The following LRP1B variants were observed in gnomAD, a reference collection of about 807,000 sequenced individuals.
The protein encoded by LRP1B is low-density lipoprotein receptor-related protein 1B.
Under a neutral mutation model 556.6 loss-of-function variants are expected in LRP1B, and 217 were observed. The observed-to-expected ratio is 0.39, with a 90% CI of 0.35 to 0.44. The LOEUF is 0.44. Ranked by LOEUF, LRP1B falls within the 20% of genes least tolerant of loss-of-function variation. The pLI is 1.00. For missense variants in LRP1B, 5,053 were observed against 5,620.8 expected (o/e 0.90, Z 3.23); for synonymous variants, 2,047 against 1,865.8 (o/e 1.10, Z -2.50).
chr2:140,342,484 C>T (rs1212125773), intron 77 of LRP1B, among the ~76,000 whole-genome samples: 1 of 151,350 alleles, frequency 6.6e-6, no homozygotes, highest in Non-Finnish European at 1.5e-5. Context: ...TGTGTTTATT[C>T]TTATAATATT....
chr2:141,077,117 G>A (rs997819063), intron 7 of LRP1B, among the ~76,000 whole-genome samples: 5 of 152,068 alleles, frequency 3.3e-5, no homozygotes, highest in Admixed American at 2.6e-4. Context: ...GCGTGGCAGC[G>A]TGTGCCTCTA....
intron 3 of LRP1B, among the ~76,000 whole-genome samples, chr2:141,469,314 G>T (rs1056818441): frequency 1.3e-5 from 2 of 152,136 alleles, no homozygotes; most frequent in African/African-American, 4.8e-5. Context: ...CAGTCTCATA[G>T]CTGTTTCATT....
chr2:140,705,384 C>A (rs1319493598), intron 37 of LRP1B, among the ~76,000 whole-genome samples: 2 of 151,344 alleles, frequency 1.3e-5, no homozygotes, highest in Admixed American at 6.6e-5. Context: ...ATTAGCCTAG[C>A]ATGGTGGCAT....
intron 2 of LRP1B, among the ~76,000 whole-genome samples, chr2:141,701,675 T>C (rs2105463160): frequency 6.6e-6 from 1 of 151,960 alleles, no homozygotes. Context: ...TAATAAATGA[T>C]ATTAATTTTA....
intron 2 of LRP1B, among the ~76,000 whole-genome samples, chr2:141,669,678 GT>G (rs1690586321): frequency 7.2e-6 from 1 of 138,350 alleles, no homozygotes; most frequent in Non-Finnish European, 1.5e-5. Context: ...GCTATTTCAA[GT>G]TTGCTACTTC....
chr2:140,556,914 G>A (rs1680754636), intron 43 of LRP1B, among the ~76,000 whole-genome samples: 3 of 151,908 alleles, frequency 2.0e-5, no homozygotes, highest in South Asian at 4.1e-4. Context: ...GTAATGGTGG[G>A]AAAGTAAGTT....
chr2:141,400,482 G>C (rs1690410313), intron 3 of LRP1B, among the ~76,000 whole-genome samples: 1 of 152,072 alleles, frequency 6.6e-6, no homozygotes, highest in Non-Finnish European at 1.5e-5. Context: ...GCTGTCCAAG[G>C]AATTATAGTA....
At chr2:141,037,803 G>C (rs577989418) in intron 11 of LRP1B, among the ~76,000 whole-genome samples, 1 of 151,972 alleles carries the variant, frequency 6.6e-6, no homozygotes, top group African/African-American at 2.4e-5. Context: ...CAAAGGAAAT[G>C]AAATTAGAAA....
intron 35 of LRP1B, among the ~76,000 whole-genome samples, chr2:140,739,620 G>A (rs759291736): frequency 1.3e-5 from 2 of 152,036 alleles, no homozygotes; most frequent in Non-Finnish European, 2.9e-5. Flanking sequence ...ACAATAGAAC[G>A]GATGTTTTAA....
At chr2:141,613,513 G>A (rs1688183836) in intron 2 of LRP1B, among the ~76,000 whole-genome samples, 2 of 152,050 alleles carry the variant, frequency 1.3e-5, no homozygotes, top group Admixed American at 1.3e-4. Flanking sequence ...TGATAATTCT[G>A]GACTCCACTC....
intron 3 of LRP1B, among the ~76,000 whole-genome samples, chr2:141,336,191 C>T (rs185248652): frequency 1.0e-3 from 151 of 150,744 alleles, no homozygotes; most frequent in African/African-American, 3.6e-3. Context: ...GGTAGGGTGA[C>T]TCTGCAGTCA....
intron 7 of LRP1B, among the ~76,000 whole-genome samples, chr2:141,179,007 G>T (rs1434779002): frequency 2.0e-5 from 3 of 151,956 alleles, no homozygotes; most frequent in Non-Finnish European, 4.4e-5. Context: ...GTTATAAGAA[G>T]ATTGTTCTAT....
In LRP1B at chr2:140,382,373, T is replaced by A. The variant is rs574191866; in HGVS notation, c.10531+3520A>T. 5.3e-5 allele frequency among the ~76,000 whole-genome samples: 8 copies of A among 152,304 alleles called. No homozygotes were observed. The South Asian group carries it at 1.7e-3, about 32-fold the overall frequency. ...TAAGGCTATAAAGTAATTTATTTCATAAATCAGTAACTTAGATGGCATATA... is the reference window on the plus strand; with the variant it reads ...TAAGGCTATAAAGTAATTTATTTCAAAAATCAGTAACTTAGATGGCATATA... On this transcript the variant is annotated intron_variant, in intron 67 of 90. Transcript: ENST00000389484.
rs145112073 is a variant in LRP1B at position 141,923,082 on chromosome 2, G to C, written c.83-112681C>G. Reference sequence around the variant, plus strand: ...CCACTGCACTCCAGCCTGGGTGACAGAGTGAGACACTGTCTCAAAAATAAA... The same window carrying C: ...CCACTGCACTCCAGCCTGGGTGACACAGTGAGACACTGTCTCAAAAATAAA... On this transcript the variant is annotated intron_variant, in intron 1 of 90. Transcript: ENST00000389484. 3.1e-3 allele frequency among the ~76,000 whole-genome samples: 466 copies of C among 152,160 alleles called. 2 individuals carry two copies. The highest frequency in any genetic ancestry group is 0.011 in the African/African-American group (448 of 41,518).
intron 3 of LRP1B, among the ~76,000 whole-genome samples, chr2:141,262,073 T>G (rs571095399): frequency 8.7e-4 from 132 of 152,320 alleles, no homozygotes; most frequent in Non-Finnish European, 1.7e-3. Context: ...TTTAATTTTA[T>G]TTTTTAGTCA....
intron 11 of LRP1B, among the ~76,000 whole-genome samples, chr2:141,035,124 A>G (rs1698493051): frequency 1.3e-5 from 2 of 150,780 alleles, no homozygotes; most frequent in Admixed American, 6.6e-5. Flanking sequence ...CAAACACCGC[A>G]TGTTCTCACT....
chr2:140,702,266 A>T lies in LRP1B; in HGVS notation c.6177T>A (p.Ala2059=), dbSNP rs770087557. 2 of 1,613,724 alleles carry T rather than the reference A, an allele frequency of 1.2e-6. No homozygotes were observed. The highest frequency in any genetic ancestry group is 1.7e-6 in the Non-Finnish European group (2 of 1,179,758). ...YEENKLYWCD[A]RTDKIERIDL... ...CGATTCTCTCTATCTTGTCTGTGCG[A>T]GCATCACACCAGTACAATTTATTTT... Residue 2059 remains alanine (A), a synonymous_variant, in exon 39 of 91, where the codon GCT becomes GCA. Transcript: ENST00000389484.
At chr2:141,763,943 G>T (rs1322964660) in intron 2 of LRP1B, among the ~76,000 whole-genome samples, 1 of 152,136 alleles carries the variant, frequency 6.6e-6, no homozygotes, top group East Asian at 1.9e-4. Flanking sequence ...TGGTAATACA[G>T]ATTATTGCAA....
intron 2 of LRP1B, among the ~76,000 whole-genome samples, chr2:141,717,868 T>C (rs1009371019): frequency 1.1e-4 from 17 of 152,238 alleles, no homozygotes; most frequent in Admixed American, 5.2e-4. Flanking sequence ...ATCTTGCTCC[T>C]TCTATGAGAC....
Sources: gnomAD v4.1 joint callset for allele counts (sites outside exome capture counted in the v4.1 genomes callset) on GRCh38, gnomAD v4.1.1 for gene constraint, MANE v1.5 for transcripts, NCBI Gene and HGNC (gene_info 2026-07-23, HGNC 2026-07-21) for gene names.